Variants in ZNF675 observed in about 807,000 individuals in gnomAD.
ZNF675 encodes TRAF6 inhibitory zinc finger.
ZNF675 carries 36 observed loss-of-function variants against 56.1 expected under a neutral mutation model. The ratio of observed to expected loss-of-function variants is 0.64; its 90% CI spans 0.49 to 0.85. The LOEUF is 0.85. Among genes scored for constraint, ZNF675 ranks in the 40% least tolerant of loss-of-function variants. ZNF675 has a pLI of 0.00. For synonymous variants in ZNF675, 200 were observed against 218.9 expected, an observed-to-expected ratio of 0.91 and a Z score of 0.76; for missense variants, 663 against 654.2, an observed-to-expected ratio of 1.01 and a Z score of -0.15.
chr19:23,661,614 C>G (rs1316986123), intron 3 of ZNF675, among the ~76,000 whole-genome samples: 1 of 151,818 alleles, frequency 6.6e-6, no homozygotes, highest in African/African-American at 2.4e-5. Context: ...TACTTAAACC[C>G]AAGAGGCAAA....
In ZNF675 at chr19:23,653,185, CTTTATA is replaced by C; in HGVS notation, c.*35_*40del. 6.6e-7 allele frequency: 1 copy of C among 1,515,364 alleles called. No individual in the cohort carries two copies. Among genetic ancestry groups the C allele is most frequent in the Non-Finnish European group, 8.8e-7 (1 of 1,131,928 alleles). 93.9% of individuals were successfully genotyped at this position (1,515,364 alleles called of 1,614,324 possible). On this transcript the variant is annotated 3_prime_UTR_variant, in exon 4 of 4. Transcript: ENST00000359788. The stretch of plus-strand genomic sequence containing the variant: ...TAGAATTTTTCACCAGTATGATTTC[CTTTATA>C]TTTAGAAAAATTTGAGGTGTTGTCA...
intron 3 of ZNF675, among the ~76,000 whole-genome samples, chr19:23,661,672 A>T (rs1968080661): frequency 6.6e-6 from 1 of 152,198 alleles, no homozygotes; most frequent in Admixed American, 6.5e-5. Context: ...CCTGGGCTAC[A>T]GAGCAAGACT....
At chr19:23,661,456 CA>C in intron 3 of ZNF675, among the ~76,000 whole-genome samples, 1 of 151,710 alleles carries the variant, frequency 6.6e-6, no homozygotes, top group South Asian at 2.1e-4. Context: ...TTTGAGAAGC[CA>C]AGGTAAGCAA....
chr19:23,682,921 G>A (rs1416458102), intron 1 of ZNF675, among the ~76,000 whole-genome samples: 1 of 151,650 alleles, frequency 6.6e-6, no homozygotes, highest in Non-Finnish European at 1.5e-5. Context: ...GGGCACGGTG[G>A]CTCACACCTG....
chr19:23,676,396 A>AAT, intron 1 of ZNF675, among the ~76,000 whole-genome samples: 1 of 8,854 alleles, frequency 1.1e-4, no homozygotes, highest in Non-Finnish European at 1.2e-3. Flanking sequence ...AGACAAAACA[A>AAT]ACACACAAAC....
chr19:23,685,006 T>A (rs546817449), intron 1 of ZNF675, among the ~76,000 whole-genome samples: 1 of 152,222 alleles, frequency 6.6e-6, no homozygotes, highest in East Asian at 1.9e-4. Flanking sequence ...TCTCAAAGGC[T>A]TAGTTTTTCT....
At chr19:23,676,841 G>A (rs1351180618) in intron 1 of ZNF675, among the ~76,000 whole-genome samples, 7 of 150,762 alleles carry the variant, frequency 4.6e-5, no homozygotes, top group South Asian at 4.2e-4. Flanking sequence ...TTGGGAGGCC[G>A]AGGTGGGTGG....
At chr19:23,667,970 C>G (rs1234706905) in intron 1 of ZNF675, among the ~76,000 whole-genome samples, 1 of 150,270 alleles carries the variant, frequency 6.7e-6, no homozygotes, top group Non-Finnish European at 1.5e-5. Flanking sequence ...AAGGCCCCAC[C>G]AGAGCAGCTA....
chr19:23,662,041 G>T, intron 3 of ZNF675, 73 bp downstream of exon 3: 1 of 1,105,928 alleles, frequency 9.0e-7, no homozygotes, highest in Non-Finnish European at 1.4e-6. Context: ...CACATTTTAA[G>T]GACTGGCTTT....
intron 1 of ZNF675, among the ~76,000 whole-genome samples, chr19:23,666,780 CTTTCTCTCTCTT>C (rs1390697853): frequency 1.6e-5 from 1 of 63,370 alleles, no homozygotes; most frequent in Non-Finnish European, 3.0e-5. Flanking sequence ...CTCTTTTTCT[CTTTCTCTCTCTT>C]TCTCTCTCTC....
chr19:23,685,100 G>C (rs896743952), intron 1 of ZNF675, among the ~76,000 whole-genome samples: 2 of 152,096 alleles, frequency 1.3e-5, no homozygotes, highest in East Asian at 3.9e-4. Context: ...AAATAGCTCG[G>C]ATTACAGGCA....
rs535199630 is a variant in ZNF675, at chr19:23,654,571, T to G, written c.362A>C (p.Glu121Ala). Reference sequence around the variant, plus strand: ...ATAACCTCCCTTGTGCAACTTACATTCATCCACACTTTTACAGCCTTTTAA... The same window carrying G: ...ATAACCTCCCTTGTGCAACTTACATGCATCCACACTTTTACAGCCTTTTAA... Reference protein sequence around the residue: ...FQLKGCKSVDECKLHKGGYNG... With the variant: ...FQLKGCKSVDACKLHKGGYNG... The change falls in exon 4 of 4, where the codon GAA (glutamate) becomes GCA (alanine). Residue 121 changes from glutamate to alanine, a missense_variant. This residue lies in a region of ZNF675 where 617 missense variants were observed against 590.5 expected (regional missense o/e 1.04). Transcript: ENST00000359788. 2.3e-5 allele frequency: 37 copies of G among 1,612,332 alleles called. No individual in the cohort carries two copies. The highest frequency in any genetic ancestry group is 2.6e-5 in the Non-Finnish European group (31 of 1,179,226).
intron 1 of ZNF675, among the ~76,000 whole-genome samples, chr19:23,682,829 G>A (rs1369668598): frequency 2.6e-5 from 4 of 151,290 alleles, no homozygotes; most frequent in African/African-American, 9.8e-5. Flanking sequence ...TCATACCTCT[G>A]TAAGAAAACC....
chr19:23,658,900 T>G lies in ZNF675; in HGVS notation c.226+3214A>C, dbSNP rs1008438190. ...ATATCTATAGATATAGATCTATAGA[T>G]ATCTATAGATAGATATAGATCTATA... On this transcript the variant is annotated intron_variant, in intron 3 of 3. Transcript: ENST00000359788. Among the ~76,000 whole-genome samples the G allele has an allele frequency of 6.2e-4, 15 of 24,182 alleles. 2 individuals are homozygous for G. In the South Asian group the frequency reaches 0.014, roughly 23 times the overall value. The allele number at this position is 24,182 out of a possible 152,430, so 15.9% of individuals were successfully genotyped here.
At chr19:23,658,908 G>GATATCT (rs1238598265) in intron 3 of ZNF675, among the ~76,000 whole-genome samples, 6,248 of 25,062 alleles carry the variant, frequency 0.25, 802 homozygotes, top group Middle Eastern at 0.4. Flanking sequence ...GATATCTATA[G>GATATCT]ATAGATATAG....
At chr19:23,666,775 TTTCTCTTTCTC>T (rs1968156372) in intron 1 of ZNF675, among the ~76,000 whole-genome samples, 1 of 98,386 alleles carries the variant, frequency 1.0e-5, no homozygotes, top group African/African-American at 3.1e-5. Context: ...TTTCTCTCTT[TTTCTCTTTCTC>T]TCTCTTTCTC....
intron 3 of ZNF675, chr19:23,658,266 C>T (rs8106705): frequency 0.97 from 147,630 of 151,950 alleles, 71,876 homozygotes; most frequent in Middle Eastern, 1. Context: ...GAGGTGGAGA[C>T]AGGAGAATTG....
chr19:23,674,397 C>T (rs923435078), intron 1 of ZNF675, among the ~76,000 whole-genome samples: 1 of 151,420 alleles, frequency 6.6e-6, no homozygotes, highest in Admixed American at 6.6e-5. Flanking sequence ...AATCCCAGCA[C>T]TTTGGGAGGC....
intron 1 of ZNF675, among the ~76,000 whole-genome samples, chr19:23,666,415 A>C (rs910345118): frequency 2.6e-5 from 4 of 152,200 alleles, no homozygotes; most frequent in African/African-American, 4.8e-5. Context: ...ATTGTGGGCC[A>C]CCACTTCATT....
Sources: allele counts gnomAD v4.1 joint callset (sites outside exome capture counted in the v4.1 genomes callset), GRCh38; gene constraint gnomAD v4.1.1; regional missense constraint gnomAD v4.1.1; transcripts MANE v1.5; gene names NCBI Gene and HGNC (gene_info 2026-07-23, HGNC 2026-07-21).